RIPK1: variants seen among roughly 807,000 people sequenced by gnomAD.
RIPK1 encodes receptor interacting serine/threonine kinase 1.
Under a neutral mutation model 62.4 loss-of-function variants are expected in RIPK1, and 27 were observed. That is an observed-to-expected ratio of 0.43 (90% CI 0.32 to 0.60). The LOEUF (loss-of-function observed/expected upper bound fraction) is 0.60, where lower values mean the gene tolerates loss of function less well. RIPK1 is among the 20% of genes least tolerant of loss of function. RIPK1 has a pLI of 0.07. For missense variants in RIPK1, 735 were observed against 831.0 expected (o/e 0.88, Z 1.42); for synonymous variants, 287 against 303.2 (o/e 0.95, Z 0.55).
Position 3,105,515 on chromosome 6 carries a change from A to G in RIPK1, c.1040A>G (p.Gln347Arg). The G allele has an allele frequency of 6.3e-7, 1 of 1,580,432 alleles. No homozygotes were observed. Among genetic ancestry groups the G allele is most frequent in the Non-Finnish European group, 8.6e-7 (1 of 1,167,166 alleles). ...CAGCCTGGTTCACTGCACAGTTCCC[A>G]GGGACTTGGGATGGGTCCTGTGGAG... is the stretch of plus-strand genomic sequence containing the variant. ...TEQPGSLHSS[Q>R]GLGMGPVEES... is the part of the protein sequence containing the mutation. Residue 347 changes from glutamine (Q) to arginine (R), a missense_variant, in exon 9 of 11, where the codon CAG (glutamine) becomes CGG (arginine). Physicochemically the swap from Gln to Arg is conservative, Grantham distance 43 (BLOSUM62 1). Coordinates refer to ENST00000259808, the MANE Select transcript of RIPK1 (RefSeq NM_001354930.2). This position sits in a 1 kb window ranked among gnomAD's most constrained non-coding sequence, Gnocchi z 4.5.
intron 3 of RIPK1, 23 bp from the exon 4 acceptor site, chr6:3,080,956 A>T: frequency 6.2e-7 from 1 of 1,609,064 alleles, no homozygotes; most frequent in Non-Finnish European, 8.5e-7. Flanking sequence ...TCCATTTCAT[A>T]GACTTAATAT....
At chr6:3,087,413 G>T (rs9503392) in intron 6 of RIPK1, among the ~76,000 whole-genome samples, 23 of 106,608 alleles carry the variant, frequency 2.2e-4, no homozygotes, top group Middle Eastern at 4.4e-3. Context: ...GAGGCTTTGT[G>T]TTTTTTTTGT....
intron 2 of RIPK1, among the ~76,000 whole-genome samples, chr6:3,077,521 T>C (rs1192492419): frequency 1.3e-5 from 2 of 152,124 alleles, no homozygotes; most frequent in Non-Finnish European, 2.9e-5. Context: ...CTGCTGTTCA[T>C]GTACTTTTCA....
rs374864719 is a variant in RIPK1 at position 3,104,984 on chromosome 6, A to G, written c.1007-498A>G. On this transcript the variant is annotated intron_variant, in intron 8 of 10. Transcript: ENST00000259808. The stretch of plus-strand genomic sequence containing the variant: ...CTTCTGCCTCAGCCTCCCAAGCAGC[A>G]GGGATTACAGGCATGCACCACCATG... 3.9e-5 allele frequency among the ~76,000 whole-genome samples: 6 copies of G among 151,962 alleles called. No homozygotes were observed. In the East Asian group the frequency reaches 5.8e-4, roughly 15 times the overall value.
intron 6 of RIPK1, among the ~76,000 whole-genome samples, chr6:3,088,084 A>C (rs1179711035): frequency 1.3e-5 from 2 of 151,998 alleles, no homozygotes; most frequent in Non-Finnish European, 1.5e-5. Flanking sequence ...GTAATGGGTA[A>C]TTTTTCTGTT....
At position 3,110,924 on chromosome 6, in the gene RIPK1, A is replaced by C; in HGVS notation, c.1698A>C (p.Glu566Asp). 2 of 1,613,552 alleles carry C rather than the reference A, an allele frequency of 1.2e-6. No homozygotes were observed. The highest frequency in any genetic ancestry group is 1.1e-5 in the South Asian group (1 of 90,958). ...ACAGCACAAATACGAACTTCAAAGA[A>C]GAGCCAGCTGCTAAGTACCAAGCTA... ...LLDSTNTNFK[E>D]EPAAKYQAIF... Residue 566 changes from glutamate (E) to aspartate (D), a missense_variant, in exon 10 of 11, where the codon GAA becomes GAC. By Grantham distance (45) the Glu-to-Asp change is conservative. This residue lies in a region of RIPK1 where 671 missense variants were observed against 726.2 expected (regional missense o/e 0.92). Coordinates refer to ENST00000259808, the MANE Select transcript of RIPK1 (RefSeq NM_001354930.2).
chr6:3,088,611 T>G (rs1266103703), intron 6 of RIPK1: 1 of 152,386 alleles, frequency 6.6e-6, no homozygotes, highest in African/African-American at 2.4e-5. Flanking sequence ...CTCATGCGGT[T>G]GGATGTTGAG....
chr6:3,081,928 T>C (rs1017414683), intron 4 of RIPK1, among the ~76,000 whole-genome samples: 3 of 140,412 alleles, frequency 2.1e-5, no homozygotes, highest in African/African-American at 5.3e-5. Context: ...CAAAAACCTC[T>C]ACTTTGAAAT....
Position 3,076,877 on chromosome 6 carries a change from G to A in RIPK1, c.54G>A (p.Leu18=). The A allele has an allele frequency of 6.2e-7, 1 of 1,611,494 alleles. No individual in the cohort carries two copies. Among genetic ancestry groups the A allele is most frequent in the Non-Finnish European group, 8.5e-7 (1 of 1,178,088 alleles). ...NVIKMKSSDF[L]ESAELDSGGF... ...TTAAGATGAAATCCAGTGACTTCCT[G>A]GAGAGTGCAGAACTGGACAGCGGAG... is the stretch of plus-strand genomic sequence containing the variant. Residue 18 remains leucine (L), a synonymous_variant, in exon 2 of 11, where the codon CTG becomes CTA. Transcript: ENST00000259808.
At chr6:3,108,381 C>A (rs569471282) in intron 9 of RIPK1, among the ~76,000 whole-genome samples, 1 of 152,124 alleles carries the variant, frequency 6.6e-6, no homozygotes, top group African/African-American at 2.4e-5. Context: ...GTATTGCATT[C>A]GTTTCTCCAC....
rs199932915 is a variant in RIPK1 at position 3,081,053 on chromosome 6, A to G, written c.396A>G (p.Lys132=). 3.7e-6 allele frequency: 6 copies of G among 1,614,190 alleles called. No individual in the cohort carries two copies. Among genetic ancestry groups the G allele is most frequent in the Non-Finnish European group, 3.4e-6 (4 of 1,179,998 alleles). Reference sequence around the variant, plus strand: ...AAGGAATGTGCTACTTACATGGAAAAGGCGTGATACACAAGGACCTGAAGC... The same window carrying G: ...AAGGAATGTGCTACTTACATGGAAAGGGCGTGATACACAAGGACCTGAAGC... ...IIEGMCYLHG[K]GVIHKDLKPE... is the part of the protein sequence containing the mutation. Residue 132 remains lysine (K), a synonymous_variant, in exon 4 of 11, where the codon AAA becomes AAG. Transcript: ENST00000259808.
chr6:3,073,801 A>C (rs1253965364), intron 1 of RIPK1, among the ~76,000 whole-genome samples: 2 of 152,034 alleles, frequency 1.3e-5, no homozygotes, highest in African/African-American at 4.8e-5. Context: ...CCTCTCCCCA[A>C]GGTATTTCTT....
At chr6:3,094,241 C>T (rs1760163821) in intron 7 of RIPK1, among the ~76,000 whole-genome samples, 1 of 152,146 alleles carries the variant, frequency 6.6e-6, no homozygotes, top group African/African-American at 2.4e-5. Context: ...AGTGCACCTA[C>T]CTTTAAAGGC....
upstream of RIPK1, among the ~76,000 whole-genome samples, chr6:3,066,107 T>A (rs556299372): frequency 2.8e-4 from 42 of 152,224 alleles, no homozygotes; most frequent in African/African-American, 9.6e-4. Flanking sequence ...CACTGCAACC[T>A]CCGCCTTCTG....
At chr6:3,111,725 G>T (rs550789846) in intron 10 of RIPK1, among the ~76,000 whole-genome samples, 2 of 152,252 alleles carry the variant, frequency 1.3e-5, no homozygotes, top group Non-Finnish European at 2.9e-5. Context: ...GCCAACCCCT[G>T]GTCTAACCCA....
At chr6:3,078,613 A>C (rs1759219615) in intron 3 of RIPK1, among the ~76,000 whole-genome samples, 1 of 152,256 alleles carries the variant, frequency 6.6e-6, no homozygotes, top group African/African-American at 2.4e-5. Flanking sequence ...TAATGAAAGG[A>C]TATACACTAT....
At chr6:3,068,405 G>T (rs1179559217), upstream of RIPK1, 1 of 985,346 alleles carries the variant, frequency 1.0e-6, no homozygotes, top group Admixed American at 6.1e-5. Flanking sequence ...CTCAGACCCC[G>T]GGCGCGAGGT....
At chr6:3,079,955 T>C (rs2113591135) in intron 3 of RIPK1, among the ~76,000 whole-genome samples, 1 of 152,292 alleles carries the variant, frequency 6.6e-6, no homozygotes, top group Non-Finnish European at 1.5e-5. Context: ...TGCACCTGTT[T>C]GGACTCAGTC....
At position 3,072,990 on chromosome 6, in the gene RIPK1, C is replaced by T. The variant is rs1452062277; in HGVS notation, c.-60-3774C>T. Among the ~76,000 whole-genome samples, 2 of 152,128 alleles carry T rather than the reference C, an allele frequency of 1.3e-5. No individual in the cohort carries two copies. The highest frequency in any genetic ancestry group is 2.9e-5 in the Non-Finnish European group (2 of 68,014). On this transcript the variant is annotated intron_variant, in intron 1 of 10. Transcript: ENST00000259808. This position sits in a 1 kb window ranked among gnomAD's most constrained non-coding sequence, Gnocchi z 5.6. ...GAGTGATCCCAGCTGAGAATGTTGGCATTCTCAAAGCCCAAGGAAACAACA... is the reference window on the plus strand; with the variant it reads ...GAGTGATCCCAGCTGAGAATGTTGGTATTCTCAAAGCCCAAGGAAACAACA...
Sources: allele counts gnomAD v4.1 joint callset (sites outside exome capture counted in the v4.1 genomes callset), GRCh38; gene constraint gnomAD v4.1.1; regional missense constraint gnomAD v4.1.1; non-coding constraint Gnocchi (gnomAD v3.1); transcripts MANE v1.5; gene names NCBI Gene and HGNC (gene_info 2026-07-23, HGNC 2026-07-21).